SLC9A4: variants seen among roughly 807,000 people sequenced by gnomAD.
The protein encoded by SLC9A4 is sodium/hydrogen exchanger 4.
A neutral mutation model predicts 67.4 loss-of-function variants in SLC9A4; 63 were observed. That is an observed-to-expected ratio of 0.93 (90% confidence interval 0.76 to 1.15). The LOEUF (loss-of-function observed/expected upper bound fraction) is 1.15. SLC9A4 is among the 50% of genes most tolerant of loss of function. The pLI, the probability that SLC9A4 is intolerant of heterozygous loss-of-function variation, is 0.00. For synonymous variants in SLC9A4, 393 were observed against 367.2 expected (o/e 1.07, Z -0.80); for missense variants, 1,089 against 987.7 (o/e 1.10, Z -1.38).
At chr2:102,530,613 G>A (rs1374023721) in intron 11 of SLC9A4, among the ~76,000 whole-genome samples, 1 of 152,188 alleles carries the variant, frequency 6.6e-6, no homozygotes, top group African/African-American at 2.4e-5. Flanking sequence ...CACTGATGGA[G>A]CACTCAACAG....
At chr2:102,493,435 G>A (rs950940759) in intron 2 of SLC9A4, among the ~76,000 whole-genome samples, 3 of 151,872 alleles carry the variant, frequency 2.0e-5, no homozygotes, top group African/African-American at 4.9e-5. Flanking sequence ...GGCAAAGGAG[G>A]AACAAAGTCA....
chr2:102,491,317 CTTTTTTTTTTTTTT>C (rs61708027), intron 2 of SLC9A4, among the ~76,000 whole-genome samples: 104 of 45,764 alleles, frequency 2.3e-3, no homozygotes, highest in African/African-American at 6.4e-3. Flanking sequence ...TGTACTAATG[CTTTTTTTTTTTTTT>C]TTTTTTTTTT....
chr2:102,512,093 G>A, intron 6 of SLC9A4, 110 bp from the exon 7 acceptor site: 2 of 1,085,212 alleles, frequency 1.8e-6, no homozygotes, highest in South Asian at 1.4e-5. Context: ...AAGTCAGATA[G>A]GCTCCAGAAA....
chr2:102,493,407 C>T (rs1684744222), intron 2 of SLC9A4, among the ~76,000 whole-genome samples: 1 of 151,624 alleles, frequency 6.6e-6, no homozygotes, highest in Non-Finnish European at 1.5e-5. Flanking sequence ...CTGGGGAGGC[C>T]TCACAATTAT....
At chr2:102,501,175 A>G (rs1468007009) in intron 2 of SLC9A4, among the ~76,000 whole-genome samples, 1 of 150,906 alleles carries the variant, frequency 6.6e-6, no homozygotes, top group Non-Finnish European at 1.5e-5. Flanking sequence ...AGGCTGGAGT[A>G]CACTGGTGTG....
At chr2:102,478,264 G>A (rs1236523634) in intron 1 of SLC9A4, among the ~76,000 whole-genome samples, 2 of 152,322 alleles carry the variant, frequency 1.3e-5, no homozygotes, top group South Asian at 2.1e-4. Flanking sequence ...TGTAGTGAGT[G>A]AGAGTCATGA....
chr2:102,477,726 G>A (rs539435240), intron 1 of SLC9A4, among the ~76,000 whole-genome samples: 6 of 152,278 alleles, frequency 3.9e-5, no homozygotes, highest in African/African-American at 1.2e-4. Flanking sequence ...TCCAAGCAGT[G>A]ACAACGGAAT....
chr2:102,508,973 C>T, intron 6 of SLC9A4, 40 bp downstream of exon 6: 2 of 1,538,986 alleles, frequency 1.3e-6, no homozygotes, highest in Non-Finnish European at 1.8e-6. Context: ...ATTAACAAGA[C>T]ATTTCCCCTT....
At chr2:102,527,266 C>CCA (rs963340538) in intron 11 of SLC9A4, among the ~76,000 whole-genome samples, 12 of 86,576 alleles carry the variant, frequency 1.4e-4, no homozygotes, top group Middle Eastern at 8.1e-3. Context: ...ACACCTCCCT[C>CCA]CACAAAAAAA....
At chr2:102,531,557 C>G (rs1019937537) in intron 11 of SLC9A4, among the ~76,000 whole-genome samples, 2 of 152,194 alleles carry the variant, frequency 1.3e-5, no homozygotes, top group Non-Finnish European at 2.9e-5. Context: ...TGCTCAAACT[C>G]TGGTCCCATA....
intron 1 of SLC9A4, 129 bp from the exon 2 acceptor site, chr2:102,478,710 C>A: frequency 1.2e-6 from 1 of 860,860 alleles, no homozygotes; most frequent in Non-Finnish European, 1.8e-6. Context: ...GTTCCTGCTA[C>A]AGATGGGACG....
At chr2:102,508,024 T>C (rs1329273519) in intron 4 of SLC9A4, 55 bp from the exon 5 acceptor site, 3 of 1,561,378 alleles carry the variant, frequency 1.9e-6, no homozygotes, top group African/African-American at 2.7e-5. Context: ...TCACTAGCTC[T>C]GTATCTCTGC....
chr2:102,521,546 G>A (rs1273708899), intron 9 of SLC9A4, among the ~76,000 whole-genome samples: 4 of 152,158 alleles, frequency 2.6e-5, no homozygotes, highest in African/African-American at 9.7e-5. Context: ...TACTCCGTAA[G>A]TCAAACTCAC....
chr2:102,510,380 G>T (rs1209875707), intron 6 of SLC9A4, among the ~76,000 whole-genome samples: 1 of 152,092 alleles, frequency 6.6e-6, no homozygotes, highest in Non-Finnish European at 1.5e-5. Context: ...AAAATCCAGG[G>T]GACAGGCCAT....
intron 1 of SLC9A4, among the ~76,000 whole-genome samples, chr2:102,477,522 G>T (rs1684359704): frequency 6.6e-6 from 1 of 152,176 alleles, no homozygotes; most frequent in Admixed American, 6.5e-5. Flanking sequence ...GCCTGAGTCT[G>T]GGGAGTTTCC....
chr2:102,480,963 G>A (rs564678027), intron 2 of SLC9A4, among the ~76,000 whole-genome samples: 2 of 152,284 alleles, frequency 1.3e-5, no homozygotes, highest in East Asian at 1.9e-4. Context: ...AGGGTGAGGT[G>A]CTCCCTGGTT....
At chr2:102,476,021 C>T (rs1032708961) in intron 1 of SLC9A4, among the ~76,000 whole-genome samples, 14 of 152,188 alleles carry the variant, frequency 9.2e-5, no homozygotes, top group Admixed American at 8.5e-4. Flanking sequence ...GTGGAAATGA[C>T]CATGGTCCCT....
intron 6 of SLC9A4, among the ~76,000 whole-genome samples, chr2:102,509,711 G>A (rs747700181): frequency 3.6e-4 from 55 of 152,094 alleles, no homozygotes; most frequent in Non-Finnish European, 5.7e-4. Context: ...TGAGGCTCTG[G>A]GTATAATCTA....
At chr2:102,504,914 T>A (rs1347509179) in intron 3 of SLC9A4, among the ~76,000 whole-genome samples, 4 of 145,294 alleles carry the variant, frequency 2.8e-5, no homozygotes, top group Non-Finnish European at 4.5e-5. Flanking sequence ...TAAGGCAGAG[T>A]AACGCAGAGA....
Sources: allele counts gnomAD v4.1 joint callset (sites outside exome capture counted in the v4.1 genomes callset), GRCh38; gene constraint gnomAD v4.1.1; transcripts MANE v1.5; gene names NCBI Gene and HGNC (gene_info 2026-07-23, HGNC 2026-07-21).